The following CNIH3 variants were observed in gnomAD, a reference collection of about 807,000 sequenced individuals.
The protein encoded by CNIH3 is protein cornichon homolog 3.
In CNIH3, 14 loss-of-function variants were observed where a neutral mutation model predicts 24.1. That is an observed-to-expected ratio of 0.58 (90% confidence interval 0.38 to 0.91). The LOEUF is 0.91. CNIH3 is among the 40% of genes least tolerant of loss of function. CNIH3 has a pLI of 0.00. For synonymous variants in CNIH3, 68 were observed against 73.8 expected (o/e 0.92, Z 0.40); for missense variants, 178 against 196.8 (o/e 0.90, Z 0.57).
chr1:224,657,941 T>C (rs951159612), intron 1 of CNIH3, among the ~76,000 whole-genome samples: 2 of 152,250 alleles, frequency 1.3e-5, no homozygotes, highest in African/African-American at 4.8e-5. Flanking sequence ...TTATTACTGA[T>C]AACATATACT....
chr1:224,653,060 A>C (rs1275294479), intron 1 of CNIH3, among the ~76,000 whole-genome samples: 2 of 152,220 alleles, frequency 1.3e-5, no homozygotes, highest in Non-Finnish European at 2.9e-5. Context: ...TGACAACTAA[A>C]ATAAATTATT....
intron 3 of CNIH3, among the ~76,000 whole-genome samples, chr1:224,685,059 G>A (rs571679964): frequency 6.6e-6 from 1 of 152,336 alleles, no homozygotes; most frequent in East Asian, 1.9e-4. Flanking sequence ...CAATCAAAGT[G>A]TCAGGACAGC....
chr1:224,643,861 C>T (rs1429081754), intron 1 of CNIH3, among the ~76,000 whole-genome samples: 6 of 152,224 alleles, frequency 3.9e-5, no homozygotes, highest in Non-Finnish European at 7.3e-5. Flanking sequence ...GTGCATTCCT[C>T]CCAGTTCGCA....
intron 4 of CNIH3, among the ~76,000 whole-genome samples, chr1:224,731,216 C>T (rs1689309042): frequency 6.6e-6 from 1 of 151,886 alleles, no homozygotes; most frequent in African/African-American, 2.4e-5. Context: ...TACTAAAAAC[C>T]ACTGAATTGT....
intron 1 of CNIH3, among the ~76,000 whole-genome samples, chr1:224,519,994 G>A (rs370885111): frequency 3.9e-5 from 6 of 152,268 alleles, no homozygotes; most frequent in East Asian, 1.9e-4. Flanking sequence ...CTATTGACTA[G>A]TGCTAGTTTA....
At chr1:224,668,937 A>G (rs1260668350) in intron 1 of CNIH3, among the ~76,000 whole-genome samples, 1 of 152,054 alleles carries the variant, frequency 6.6e-6, no homozygotes, top group Non-Finnish European at 1.5e-5. Flanking sequence ...ATTCTAGCCT[A>G]ACTGCCCCAG....
chr1:224,554,979 T>C (rs1680076641), intron 3 of CNIH3, among the ~76,000 whole-genome samples: 1 of 152,192 alleles, frequency 6.6e-6, no homozygotes, highest in Non-Finnish European at 1.5e-5. Context: ...ATAGGTTACA[T>C]GCAAATATAT....
At chr1:224,589,602 C>T (rs1289124527), downstream of CNIH3, among the ~76,000 whole-genome samples, 1 of 152,210 alleles carries the variant, frequency 6.6e-6, no homozygotes, top group Non-Finnish European at 1.5e-5. Context: ...TGTGATATTT[C>T]TGTCCAAACT....
chr1:224,673,343 C>G (rs1338144715), intron 1 of CNIH3, among the ~76,000 whole-genome samples: 1 of 152,186 alleles, frequency 6.6e-6, no homozygotes, highest in Non-Finnish European at 1.5e-5. Flanking sequence ...GAATCCCGCA[C>G]AGTTGGGATC....
At chr1:224,680,907 G>A (rs377354171) in intron 1 of CNIH3, 51 bp from the exon 2 acceptor site, 4 of 1,342,520 alleles carry the variant, frequency 3.0e-6, no homozygotes, top group African/African-American at 2.9e-5. Flanking sequence ...TTTGGACATG[G>A]TGTGTTGACT....
chr1:224,478,689 T>C (rs1399078717), intron 1 of CNIH3, among the ~76,000 whole-genome samples: 1 of 152,176 alleles, frequency 6.6e-6, no homozygotes, highest in South Asian at 2.1e-4. Flanking sequence ...TGGATAGTCT[T>C]GATGTTTGTG....
At chr1:224,652,365 G>A (rs181769359) in intron 1 of CNIH3, among the ~76,000 whole-genome samples, 4 of 152,270 alleles carry the variant, frequency 2.6e-5, no homozygotes, top group Admixed American at 2.0e-4. Flanking sequence ...CTGTGCACAA[G>A]AGCTAACAGG....
chr1:224,616,235 G>A (rs373921862), upstream of CNIH3: 1 of 160,440 alleles, frequency 6.2e-6, no homozygotes, highest in South Asian at 1.5e-4. Context: ...TCCGCCCGCC[G>A]GGGAGGGCGC....
intron 2 of CNIH3, among the ~76,000 whole-genome samples, chr1:224,533,820 C>T (rs791391): frequency 0.26 from 39,772 of 152,126 alleles, 6,332 homozygotes; most frequent in African/African-American, 0.44. Context: ...GTTCCCATTT[C>T]CAAATAAGGT....
chr1:224,559,895 G>C (rs10916640), intron 3 of CNIH3, among the ~76,000 whole-genome samples: 42,472 of 151,916 alleles, frequency 0.28, 7,421 homozygotes, highest in African/African-American at 0.49. Flanking sequence ...TCATGGTTAT[G>C]ATGTCTTTGC....
intron 3 of CNIH3, among the ~76,000 whole-genome samples, chr1:224,727,461 G>C (rs74146264): frequency 0.021 from 3,125 of 152,260 alleles, 106 homozygotes; most frequent in African/African-American, 0.071. Context: ...AAGGAAAAGA[G>C]ACTCTGGAGA....
chr1:224,493,909 A>G (rs1677332706), intron 1 of CNIH3, among the ~76,000 whole-genome samples: 1 of 152,162 alleles, frequency 6.6e-6, no homozygotes, highest in African/African-American at 2.4e-5. Flanking sequence ...TGTGCTTATC[A>G]CTGCCACAGA....
rs532682084 is a variant in CNIH3 at position 224,637,747 on chromosome 1, C to T, written c.81+20492C>T. Reference sequence around the variant, plus strand: ...TTAGCATGTTATGAATGTCACCAGCCGCTCAGCTGGGCGGAGGCAGAGCTC... The same window carrying T: ...TTAGCATGTTATGAATGTCACCAGCTGCTCAGCTGGGCGGAGGCAGAGCTC... On this transcript the variant is annotated intron_variant, in intron 1 of 5. Coordinates refer to ENST00000272133, the MANE Select transcript of CNIH3 (RefSeq NM_152495.2). Among the ~76,000 whole-genome samples, 131 of 152,280 alleles carry T rather than the reference C, an allele frequency of 8.6e-4. 1 individual carries two copies. The South Asian group carries it at 0.014, about 16-fold the overall frequency.
intron 3 of CNIH3, among the ~76,000 whole-genome samples, chr1:224,605,602 T>C (rs1213161849): frequency 6.6e-6 from 1 of 152,220 alleles, no homozygotes; most frequent in East Asian, 1.9e-4. Context: ...ATCTTGCAGA[T>C]AACAGCACTA....
Sources: gnomAD v4.1 joint callset for allele counts (sites outside exome capture counted in the v4.1 genomes callset) on GRCh38, gnomAD v4.1.1 for gene constraint, MANE v1.5 for transcripts, NCBI Gene and HGNC (gene_info 2026-07-23, HGNC 2026-07-21) for gene names.